Variants in IGSF10 observed in about 807,000 individuals in gnomAD.
IGSF10 encodes immunoglobulin superfamily member 10, also known as calvaria mechanical force protein 608.
IGSF10 carries 126 observed loss-of-function variants against 128.2 expected under a neutral mutation model. That is an observed-to-expected ratio of 0.98 (90% CI 0.85 to 1.14). The LOEUF (loss-of-function observed/expected upper bound fraction) is 1.14. Among genes scored for constraint, IGSF10 ranks in the 50% most tolerant of loss-of-function variants. The probability of loss-of-function intolerance (pLI) is 0.00; values close to 1 mark genes in which losing one functional copy is unlikely to be tolerated. For missense variants in IGSF10, 3,295 were observed against 3,149.8 expected (o/e 1.05, Z -1.10); for synonymous variants, 1,185 against 1,146.2 (o/e 1.03, Z -0.68).
chr3:151,525,275 C>T, the IGSF10 span, among the ~76,000 whole-genome samples: 1 of 151,996 alleles, frequency 6.6e-6, no homozygotes, highest in Non-Finnish European at 1.5e-5. Context: ...TACGGAAGTA[C>T]AATTAAGGCT....
At chr3:151,514,202 A>C in the IGSF10 span, among the ~76,000 whole-genome samples, 2 of 151,986 alleles carry the variant, frequency 1.3e-5, no homozygotes, top group African/African-American at 2.4e-5. Flanking sequence ...GGAGGCATCA[A>C]GCTACCTGAC....
chr3:151,537,227 T>C, the IGSF10 span, among the ~76,000 whole-genome samples: 1 of 152,122 alleles, frequency 6.6e-6, no homozygotes, highest in African/African-American at 2.4e-5. Flanking sequence ...AGCAGGAGTG[T>C]AGGATTTACT....
Position 151,436,879 on chromosome 3 carries a change from G to C in IGSF10, c.7682C>G (p.Thr2561Arg). ...AAGGGAGTGGTCAGGCATCTCCCAT[G>C]TGATTTCTGGCTTGGGAACTCCCAA... ...VALGVPKPEI[T>R]WEMPDHSLLS... The change falls in exon 8 of 8, where the codon ACA (threonine) becomes AGA (arginine). Residue 2561 changes from threonine to arginine, a missense_variant. Coordinates refer to ENST00000282466, the MANE Select transcript of IGSF10 (RefSeq NM_178822.5). 1 of 1,614,122 alleles carries C rather than the reference G, an allele frequency of 6.2e-7. No homozygotes were observed. The highest frequency in any genetic ancestry group is 8.5e-7 in the Non-Finnish European group (1 of 1,180,022).
At chr3:151,471,482 T>C in the IGSF10 span, among the ~76,000 whole-genome samples, 3 of 152,162 alleles carry the variant, frequency 2.0e-5, no homozygotes, top group Non-Finnish European at 4.4e-5. Context: ...AATGAGTTAA[T>C]AGAGAAGGGA....
chr3:151,509,867 C>T, the IGSF10 span, among the ~76,000 whole-genome samples: 1 of 152,216 alleles, frequency 6.6e-6, no homozygotes. Flanking sequence ...CCCACAGAGC[C>T]TCCCTCATTG....
chr3:151,601,452 T>C, the IGSF10 span, among the ~76,000 whole-genome samples: 1 of 152,264 alleles, frequency 6.6e-6, no homozygotes, highest in African/African-American at 2.4e-5. Context: ...CATGCTTATT[T>C]GAGTAAATTT....
At chr3:151,503,898 C>G in the IGSF10 span, among the ~76,000 whole-genome samples, 1 of 151,518 alleles carries the variant, frequency 6.6e-6, no homozygotes, top group Non-Finnish European at 1.5e-5. Flanking sequence ...TGGATGGGAT[C>G]GCAGAACTGG....
At chr3:151,495,565 T>C in the IGSF10 span, among the ~76,000 whole-genome samples, 1 of 131,374 alleles carries the variant, frequency 7.6e-6, no homozygotes, top group Non-Finnish European at 1.6e-5. Flanking sequence ...AACTCAAAAA[T>C]TTAATTTTCA....
At chr3:151,577,068 T>C in the IGSF10 span, among the ~76,000 whole-genome samples, 21 of 152,292 alleles carry the variant, frequency 1.4e-4, no homozygotes, top group African/African-American at 5.1e-4. Flanking sequence ...CCCTATGACA[T>C]CGGGTCTGTC....
the IGSF10 span, among the ~76,000 whole-genome samples, chr3:151,590,034 T>TG: frequency 5.3e-5 from 8 of 152,234 alleles, no homozygotes; most frequent in Admixed American, 2.6e-4. Context: ...GTTGGGTATT[T>TG]TTTTATTTTT....
the IGSF10 span, among the ~76,000 whole-genome samples, chr3:151,617,475 A>AT: frequency 6.7e-6 from 1 of 149,810 alleles, no homozygotes; most frequent in African/African-American, 2.5e-5. Context: ...TCACAATTGT[A>AT]TTTTTGGAAG....
the IGSF10 span, among the ~76,000 whole-genome samples, chr3:151,500,616 G>C: frequency 6.6e-6 from 1 of 152,032 alleles, no homozygotes; most frequent in Non-Finnish European, 1.5e-5. Flanking sequence ...ATATCTACAA[G>C]CAGGTATTAT....
the IGSF10 span, among the ~76,000 whole-genome samples, chr3:151,498,433 A>G: frequency 1.3e-5 from 2 of 152,142 alleles, no homozygotes; most frequent in African/African-American, 4.8e-5. Flanking sequence ...GGCAAATCGA[A>G]TCCAGCAGCA....
the IGSF10 span, among the ~76,000 whole-genome samples, chr3:151,500,802 T>G: frequency 6.6e-6 from 1 of 152,134 alleles, no homozygotes; most frequent in Non-Finnish European, 1.5e-5. Context: ...TTTATGGGGT[T>G]GTTGTTGTCA....
chr3:151,503,623 C>T, the IGSF10 span, among the ~76,000 whole-genome samples: 1 of 152,038 alleles, frequency 6.6e-6, no homozygotes, highest in African/African-American at 2.4e-5. Flanking sequence ...TTTAAATGCC[C>T]AGTGGGTTCT....
the IGSF10 span, among the ~76,000 whole-genome samples, chr3:151,497,141 T>C: frequency 1.3e-5 from 2 of 152,202 alleles, no homozygotes; most frequent in African/African-American, 4.8e-5. Context: ...TTCATTCTGA[T>C]GGTAGTTTCT....
At chr3:151,564,342 C>A in the IGSF10 span, among the ~76,000 whole-genome samples, 1 of 151,914 alleles carries the variant, frequency 6.6e-6, no homozygotes, top group Non-Finnish European at 1.5e-5. Flanking sequence ...GCACAGGGAG[C>A]CAATTGGCAG....
chr3:151,443,781 C>G lies in IGSF10; in HGVS notation c.5166G>C (p.Leu1722Phe). The change falls in exon 7 of 8, where the codon TTG (leucine) becomes TTC (phenylalanine). Residue 1722 changes from leucine to phenylalanine, a missense_variant. Leu to Phe is a conservative substitution (Grantham distance 22). Coordinates refer to ENST00000282466, the MANE Select transcript of IGSF10 (RefSeq NM_178822.5). The part of the protein sequence containing the change: ...RVEIQDRGQY[L>F]CSASNLFGTD... ...TGCCAAACAGATTGGATGCGGAACA[C>G]AAGTACTGTCCGCGGTCCTGAATTT... The G allele has an allele frequency of 6.2e-7, 1 of 1,614,166 alleles. No homozygotes were observed. Among genetic ancestry groups the G allele is most frequent in the East Asian group, 2.2e-5 (1 of 44,878 alleles).
the IGSF10 span, among the ~76,000 whole-genome samples, chr3:151,469,606 T>C: frequency 6.6e-6 from 1 of 152,176 alleles, no homozygotes. Context: ...ATACCCCTGA[T>C]CTCTCAAAAA....
Sources: gnomAD v4.1 joint callset for allele counts (sites outside exome capture counted in the v4.1 genomes callset) on GRCh38, gnomAD v4.1.1 for gene constraint, MANE v1.5 for transcripts, NCBI Gene and HGNC (gene_info 2026-07-23, HGNC 2026-07-21) for gene names.